SNCAIP: variants seen among roughly 807,000 people sequenced by gnomAD.
SNCAIP encodes synuclein alpha interacting protein, also known as synphilin-1.
A neutral mutation model predicts 86.7 loss-of-function variants in SNCAIP; 43 were observed. That is an observed-to-expected ratio of 0.50 (90% CI 0.39 to 0.64). The LOEUF is 0.64. Among genes scored for constraint, SNCAIP ranks in the 30% least tolerant of loss-of-function variants. The probability of loss-of-function intolerance (pLI) is 0.00; values close to 1 mark genes in which losing one functional copy is unlikely to be tolerated. For synonymous variants in SNCAIP, 417 were observed against 427.2 expected (o/e 0.98, Z 0.29); for missense variants, 981 against 1,103.1 (o/e 0.89, Z 1.57).
At chr5:122,444,823 T>G in intron 8 of SNCAIP, 91 bp downstream of exon 8, 1 of 1,080,862 alleles carries the variant, frequency 9.3e-7, no homozygotes, top group Non-Finnish European at 1.4e-6. Flanking sequence ...GCACTCTTCT[T>G]TCCAGTTGTA....
intron 6 of SNCAIP, among the ~76,000 whole-genome samples, chr5:122,438,937 T>C (rs935802589): frequency 3.9e-5 from 6 of 152,216 alleles, no homozygotes; most frequent in African/African-American, 1.4e-4. Context: ...TACCATAATC[T>C]ATCCTCTTGC....
chr5:122,412,183 A>G (rs1391954060), intron 3 of SNCAIP, among the ~76,000 whole-genome samples: 2 of 152,064 alleles, frequency 1.3e-5, no homozygotes, highest in African/African-American at 4.8e-5. Context: ...CTCCATCTTA[A>G]AAAACAAACA....
chr5:122,456,373 A>G (rs1049038485), intron 10 of SNCAIP, among the ~76,000 whole-genome samples: 1 of 152,182 alleles, frequency 6.6e-6, no homozygotes, highest in African/African-American at 2.4e-5. Flanking sequence ...GTGAGATGAC[A>G]TCTACTATAG....
intron 1 of SNCAIP, among the ~76,000 whole-genome samples, chr5:122,322,500 G>C (rs1753155222): frequency 6.6e-6 from 1 of 152,164 alleles, no homozygotes; most frequent in Non-Finnish European, 1.5e-5. Context: ...CATTGGACTG[G>C]AAAGTTGAAT....
chr5:122,437,817 A>G (rs1203233106), intron 6 of SNCAIP, among the ~76,000 whole-genome samples: 1 of 152,170 alleles, frequency 6.6e-6, no homozygotes, highest in Non-Finnish European at 1.5e-5. Context: ...CAGACCATGT[A>G]TGTCTTGTTC....
chr5:122,448,708 TATATATA>T (rs1467152931), intron 8 of SNCAIP, among the ~76,000 whole-genome samples: 81 of 119,574 alleles, frequency 6.8e-4, no homozygotes, highest in Non-Finnish European at 1.8e-4. Flanking sequence ...ATTATATACA[TATATATA>T]ATATATATGT....
At chr5:122,447,289 A>C in intron 8 of SNCAIP, among the ~76,000 whole-genome samples, 1 of 152,146 alleles carries the variant, frequency 6.6e-6, no homozygotes, top group East Asian at 1.9e-4. Context: ...TGCGATAATA[A>C]ACTTCTATTG....
chr5:122,335,445 A>G, intron 1 of SNCAIP, among the ~76,000 whole-genome samples: 1 of 152,226 alleles, frequency 6.6e-6, no homozygotes, highest in East Asian at 1.9e-4. Context: ...CAGATACACC[A>G]GCTCTTTTGA....
intron 3 of SNCAIP, among the ~76,000 whole-genome samples, chr5:122,410,129 TTTA>T (rs879723348): frequency 6.6e-6 from 1 of 152,236 alleles, no homozygotes; most frequent in African/African-American, 2.4e-5. Context: ...AACAATTATT[TTTA>T]TTGTTTAACA....
chr5:122,400,418 T>C (rs1771554060), intron 2 of SNCAIP, among the ~76,000 whole-genome samples: 1 of 152,224 alleles, frequency 6.6e-6, no homozygotes, highest in South Asian at 2.1e-4. Context: ...CAGGGATTAG[T>C]CAATATGTAC....
rs1751677402 is a variant in SNCAIP at position 122,316,175 on chromosome 5, C to T, written c.-47+3891C>T. Among the ~76,000 whole-genome samples, 5 of 152,272 alleles carry T rather than the reference C, an allele frequency of 3.3e-5. No individual in the cohort carries two copies. In the South Asian group the frequency reaches 1.0e-3, roughly 32 times the overall value. ...TGCACTATTGTATATAGTTAAGTTT[C>T]TTTATGTGTATATCAACAGAAAACA... On this transcript the variant is annotated intron_variant, in intron 1 of 10. Coordinates refer to ENST00000261368, the MANE Select transcript of SNCAIP (RefSeq NM_005460.4).
intron 3 of SNCAIP, among the ~76,000 whole-genome samples, chr5:122,408,383 G>T: frequency 6.6e-6 from 1 of 152,114 alleles, no homozygotes; most frequent in East Asian, 1.9e-4. Flanking sequence ...ACGCAGCCTA[G>T]GGCTCACCTC....
chr5:122,450,547 C>T lies in SNCAIP; in HGVS notation c.1700C>T (p.Pro567Leu), dbSNP rs774557944. ...CTTCTTTTTAGTTCACCATCCTCAC[C>T]TGCCTCCAGAAAGTCCCAGTGGAAA... The part of the protein sequence containing the change: ...LPSSPSSPSS[P>L]ASRKSQWKSP... Residue 567 changes from proline to leucine, a missense_variant, in exon 10 of 11, where the codon CCT becomes CTT. Physicochemically the swap from Pro to Leu is moderately conservative, Grantham distance 98 (BLOSUM62 -3). Coordinates refer to ENST00000261368, the MANE Select transcript of SNCAIP (RefSeq NM_005460.4). The T allele has an allele frequency of 2.5e-6, 4 of 1,613,550 alleles. No homozygotes were observed. The South Asian group carries it at 4.4e-5, about 18-fold the overall frequency.
At chr5:122,332,613 C>G (rs1404052536) in intron 1 of SNCAIP, among the ~76,000 whole-genome samples, 1 of 152,240 alleles carries the variant, frequency 6.6e-6, no homozygotes, top group African/African-American at 2.4e-5. Flanking sequence ...TGTAGCTAAG[C>G]TGCGGGAGAA....
chr5:122,398,038 G>A (rs1437736459), intron 2 of SNCAIP, among the ~76,000 whole-genome samples: 4 of 152,072 alleles, frequency 2.6e-5, no homozygotes, highest in African/African-American at 7.2e-5. Context: ...TTGAGTGGTG[G>A]GCAGAATCCT....
At chr5:122,391,250 C>A in intron 2 of SNCAIP, 59 bp downstream of exon 2, 1 of 1,175,216 alleles carries the variant, frequency 8.5e-7, no homozygotes, top group South Asian at 1.2e-5. Context: ...ACTTCATAGC[C>A]TACTTTCTCC....
At chr5:122,451,897 A>G in intron 10 of SNCAIP, 2 of 322,678 alleles carry the variant, frequency 6.2e-6, no homozygotes, top group South Asian at 4.4e-5. Flanking sequence ...TTAGGGTCCT[A>G]GACTTGGAGG....
At chr5:122,455,289 G>A (rs1052597114) in intron 10 of SNCAIP, among the ~76,000 whole-genome samples, 1 of 152,154 alleles carries the variant, frequency 6.6e-6, no homozygotes, top group Non-Finnish European at 1.5e-5. Flanking sequence ...AAGCAAGAAT[G>A]GATCTCTCTG....
intron 1 of SNCAIP, among the ~76,000 whole-genome samples, chr5:122,354,204 A>G (rs1760530337): frequency 6.6e-6 from 1 of 152,132 alleles, no homozygotes. Context: ...ATTCACATTA[A>G]TCTTCCTATT....
Sources: gnomAD v4.1 joint callset for allele counts (sites outside exome capture counted in the v4.1 genomes callset) on GRCh38, gnomAD v4.1.1 for gene constraint, MANE v1.5 for transcripts, NCBI Gene and HGNC (gene_info 2026-07-23, HGNC 2026-07-21) for gene names.